Variants in DCC observed in about 807,000 individuals in gnomAD.
DCC encodes netrin receptor DCC.
Under a neutral mutation model 172.5 loss-of-function variants are expected in DCC, and 58 were observed. The ratio of observed to expected loss-of-function variants is 0.34; its 90% CI spans 0.27 to 0.42. The LOEUF is 0.42. Ranked by LOEUF, DCC falls within the 10% of genes least tolerant of loss-of-function variation. DCC has a pLI of 1.00. For missense variants in DCC, 1,740 were observed against 1,791.0 expected, an observed-to-expected ratio of 0.97 and a Z score of 0.51; for synonymous variants, 709 against 644.5, an observed-to-expected ratio of 1.10 and a Z score of -1.52.
chr18:53,191,921 C>T (rs947772853), intron 9 of DCC, among the ~76,000 whole-genome samples: 9 of 152,122 alleles, frequency 5.9e-5, no homozygotes, highest in Admixed American at 3.9e-4. Flanking sequence ...TTCCCGTATT[C>T]AGTTTTACCT....
chr18:53,243,000 C>T (rs2056320915), intron 12 of DCC, among the ~76,000 whole-genome samples: 1 of 151,768 alleles, frequency 6.6e-6, no homozygotes, highest in African/African-American at 2.4e-5. Context: ...GTGAGAGGAC[C>T]CCAAAGCTAT....
intron 2 of DCC, among the ~76,000 whole-genome samples, chr18:52,903,640 G>T (rs1444855046): frequency 1.3e-5 from 2 of 152,104 alleles, no homozygotes; most frequent in Non-Finnish European, 2.9e-5. Context: ...CATAACTTGT[G>T]TATATTGGAA....
chr18:52,381,630 AG>A (rs1261024131), intron 1 of DCC, among the ~76,000 whole-genome samples: 3 of 152,080 alleles, frequency 2.0e-5, no homozygotes, highest in African/African-American at 7.2e-5. Context: ...CCCACCACTG[AG>A]GGGGCTCCAG....
At chr18:52,766,620 T>C (rs2037256725) in intron 2 of DCC, among the ~76,000 whole-genome samples, 1 of 152,064 alleles carries the variant, frequency 6.6e-6, no homozygotes, top group African/African-American at 2.4e-5. Flanking sequence ...AATTCTTTTT[T>C]GAAGTTATGC....
In DCC at chr18:53,506,859, CAA is replaced by C. The variant is rs34848744; in HGVS notation, c.4111+7364_4111+7365del. ...GGTGACAGAGCAAGAGACTCCATCT[CAA>C]AAAAAAAAAAAAAAGGAGGAGGAGT... On this transcript the variant is annotated intron_variant, in intron 27 of 28. Transcript: ENST00000442544. Among the ~76,000 whole-genome samples, 225 of 133,316 alleles carry C rather than the reference CAA, an allele frequency of 1.7e-3. 1 individual carries two copies. Among genetic ancestry groups the C allele is most frequent in the South Asian group, 5.1e-3 (21 of 4,082 alleles). The allele number at this position is 133,316 out of a possible 152,430, so 87.5% of individuals were successfully genotyped here. A position where few individuals can be genotyped will look rare whatever the true frequency, so the allele number is the denominator to read the frequency against.
chr18:52,485,981 T>C (rs2030198955), intron 1 of DCC, among the ~76,000 whole-genome samples: 2 of 152,128 alleles, frequency 1.3e-5, no homozygotes, highest in African/African-American at 4.8e-5. Context: ...CTTTCCCAGC[T>C]GATATTTATT....
intron 1 of DCC, among the ~76,000 whole-genome samples, chr18:52,666,125 A>G (rs539626627): frequency 6.6e-6 from 1 of 152,150 alleles, no homozygotes; most frequent in South Asian, 2.1e-4. Flanking sequence ...TGTCTCTAAT[A>G]AAAGAAAAAA....
chr18:53,486,586 G>A (rs935711903), intron 25 of DCC, among the ~76,000 whole-genome samples: 1 of 152,150 alleles, frequency 6.6e-6, no homozygotes, highest in East Asian at 1.9e-4. Context: ...TTAAACTGCA[G>A]GGTAATATTT....
At chr18:53,108,583 A>G (rs1432443216) in intron 7 of DCC, among the ~76,000 whole-genome samples, 2 of 151,836 alleles carry the variant, frequency 1.3e-5, no homozygotes, top group African/African-American at 4.8e-5. Context: ...AGAAAAACCA[A>G]AAAACTTGTT....
intron 26 of DCC, among the ~76,000 whole-genome samples, chr18:53,498,188 C>G (rs1037675771): frequency 5.3e-5 from 8 of 152,210 alleles, no homozygotes; most frequent in African/African-American, 1.9e-4. Context: ...TCTCTATTCC[C>G]TTCAGAATTA....
chr18:52,462,723 C>T (rs1207980577), intron 1 of DCC, among the ~76,000 whole-genome samples: 2 of 152,154 alleles, frequency 1.3e-5, no homozygotes, highest in Non-Finnish European at 2.9e-5. Flanking sequence ...TGCCTACTTC[C>T]CTACACTAAA....
Position 53,392,403 on chromosome 18 carries a change from T to C in DCC, c.2688+516T>C, listed in dbSNP as rs187850014. Among the ~76,000 whole-genome samples, 5 of 152,214 alleles carry C rather than the reference T, an allele frequency of 3.3e-5. No homozygotes were observed. The East Asian group carries it at 7.7e-4, about 23-fold the overall frequency. ...ATTTAGCCTTGAAAACACACTATTA[T>C]GGTAAAGAAAACTCACAATCCACAC... is the stretch of plus-strand genomic sequence containing the variant. On this transcript the variant is annotated intron_variant, in intron 17 of 28. Coordinates refer to ENST00000442544, the MANE Select transcript of DCC (RefSeq NM_005215.4).
chr18:53,412,727 A>C (rs1910057323), intron 20 of DCC, among the ~76,000 whole-genome samples: 1 of 152,056 alleles, frequency 6.6e-6, no homozygotes, highest in Non-Finnish European at 1.5e-5. Context: ...CTTCATATTT[A>C]GCCTTTGCAA....
chr18:52,342,397 C>G (rs940272219), intron 1 of DCC, among the ~76,000 whole-genome samples: 3 of 149,076 alleles, frequency 2.0e-5, no homozygotes, highest in Admixed American at 6.7e-5. Context: ...CCGGTCCCCT[C>G]CTCCCCTGGC....
chr18:52,565,828 G>T (rs2033148252), intron 1 of DCC, among the ~76,000 whole-genome samples: 1 of 152,104 alleles, frequency 6.6e-6, no homozygotes, highest in South Asian at 2.1e-4. Flanking sequence ...CTATGAAGAA[G>T]CTCTTTAGTT....
At chr18:52,411,166 A>G (rs1420699956) in intron 1 of DCC, among the ~76,000 whole-genome samples, 3 of 152,134 alleles carry the variant, frequency 2.0e-5, no homozygotes, top group Non-Finnish European at 1.5e-5. Context: ...TGCATGCAAC[A>G]TTCAAGGATT....
At chr18:52,896,540 T>C (rs773552176) in intron 2 of DCC, among the ~76,000 whole-genome samples, 104 of 152,244 alleles carry the variant, frequency 6.8e-4, no homozygotes, top group Non-Finnish European at 1.1e-3. Context: ...ATAATTTGAT[T>C]AGATTTTAAG....
At chr18:53,242,265 C>G (rs186346721) in intron 12 of DCC, among the ~76,000 whole-genome samples, 1 of 151,922 alleles carries the variant, frequency 6.6e-6, no homozygotes, top group African/African-American at 2.4e-5. Flanking sequence ...CTAGTGTAGA[C>G]CTGTAAACAA....
At chr18:52,531,841 G>A (rs956030252) in intron 1 of DCC, among the ~76,000 whole-genome samples, 12 of 152,074 alleles carry the variant, frequency 7.9e-5, no homozygotes, top group Admixed American at 1.3e-4. Context: ...AAGGTGTTCC[G>A]GAATAGTGAA....
Sources: allele counts gnomAD v4.1 joint callset (sites outside exome capture counted in the v4.1 genomes callset), GRCh38; gene constraint gnomAD v4.1.1; transcripts MANE v1.5; gene names NCBI Gene and HGNC (gene_info 2026-07-23, HGNC 2026-07-21).